The following RALYL variants were observed in gnomAD, a reference collection of about 807,000 sequenced individuals.
RALYL encodes RNA-binding Raly-like protein.
Under a neutral mutation model 35.1 loss-of-function variants are expected in RALYL, and 29 were observed. That is an observed-to-expected ratio of 0.83 (90% CI 0.61 to 1.13). The LOEUF (loss-of-function observed/expected upper bound fraction) is 1.13. RALYL is among the 50% of genes most tolerant of loss of function. RALYL has a pLI of 0.00. For synonymous variants in RALYL, 120 were observed against 127.6 expected (o/e 0.94, Z 0.40); for missense variants, 359 against 360.4 (o/e 1.00, Z 0.03).
intron 1 of RALYL, among the ~76,000 whole-genome samples, chr8:84,448,546 T>C (rs905149728): frequency 4.6e-5 from 7 of 152,196 alleles, no homozygotes; most frequent in Non-Finnish European, 7.4e-5. Flanking sequence ...ATTCACTTGA[T>C]AGAATTGTTG....
intron 2 of RALYL, among the ~76,000 whole-genome samples, chr8:84,557,651 C>T (rs1306139375): frequency 6.6e-6 from 1 of 152,078 alleles, no homozygotes; most frequent in Non-Finnish European, 1.5e-5. Flanking sequence ...GTGTCTATCA[C>T]ACAAAGTGTG....
intron 1 of RALYL, among the ~76,000 whole-genome samples, chr8:84,416,721 C>A (rs1011976484): frequency 1.3e-5 from 2 of 152,084 alleles, no homozygotes; most frequent in African/African-American, 4.8e-5. Context: ...AACAACAGGT[C>A]CAGCCCTCTT....
intron 4 of RALYL, among the ~76,000 whole-genome samples, chr8:84,839,817 T>C (rs1832820536): frequency 6.6e-6 from 1 of 152,180 alleles, no homozygotes; most frequent in Non-Finnish European, 1.5e-5. Context: ...CACCAATATC[T>C]GCTGTTCTGC....
At chr8:84,394,092 G>A (rs1157503165) in intron 1 of RALYL, among the ~76,000 whole-genome samples, 1 of 151,802 alleles carries the variant, frequency 6.6e-6, no homozygotes, top group Non-Finnish European at 1.5e-5. Context: ...CTCCCTACTT[G>A]TGCACACTCC....
intron 2 of RALYL, among the ~76,000 whole-genome samples, chr8:84,741,819 A>G (rs1807408694): frequency 6.6e-6 from 1 of 152,060 alleles, no homozygotes; most frequent in South Asian, 2.1e-4. Flanking sequence ...TACTTACTTT[A>G]ACAAAATTTA....
At chr8:84,566,078 T>C (rs1010364991) in intron 2 of RALYL, among the ~76,000 whole-genome samples, 3 of 151,514 alleles carry the variant, frequency 2.0e-5, no homozygotes, top group Non-Finnish European at 4.4e-5. Context: ...ATGGAAGTAT[T>C]ATGGTGTGTA....
At chr8:84,601,201 T>C (rs1321747938) in intron 2 of RALYL, among the ~76,000 whole-genome samples, 3 of 152,130 alleles carry the variant, frequency 2.0e-5, no homozygotes, top group Non-Finnish European at 4.4e-5. Context: ...GTGTTATGTA[T>C]GACCTACATT....
At chr8:84,249,488 C>CT (rs1415393737) in intron 1 of RALYL, among the ~76,000 whole-genome samples, 3 of 152,076 alleles carry the variant, frequency 2.0e-5, no homozygotes, top group Non-Finnish European at 2.9e-5. Context: ...AAATTTGTAA[C>CT]TTTATCAAAC....
intron 2 of RALYL, among the ~76,000 whole-genome samples, chr8:84,608,138 C>A (rs546894759): frequency 6.6e-6 from 1 of 152,032 alleles, no homozygotes; most frequent in Non-Finnish European, 1.5e-5. Context: ...TCAGGCCCCC[C>A]GAATTTCCTG....
At chr8:84,587,556 G>A (rs1055863884) in intron 2 of RALYL, among the ~76,000 whole-genome samples, 1 of 152,134 alleles carries the variant, frequency 6.6e-6, no homozygotes, top group African/African-American at 2.4e-5. Flanking sequence ...CCCCAGATAA[G>A]AGTTATTCTA....
chr8:84,900,680 A>T (rs568821611), intron 8 of RALYL, among the ~76,000 whole-genome samples: 3 of 142,486 alleles, frequency 2.1e-5, no homozygotes, highest in Admixed American at 2.1e-4. Context: ...AGTTTGTCTT[A>T]AAAAAAAAAA....
chr8:84,380,945 G>C (rs1857870770), intron 1 of RALYL, among the ~76,000 whole-genome samples: 1 of 151,836 alleles, frequency 6.6e-6, no homozygotes, highest in African/African-American at 2.4e-5. Context: ...AGCTCAGACA[G>C]AAGCTGGGTG....
chr8:84,416,544 G>A (rs1194674795), intron 1 of RALYL, among the ~76,000 whole-genome samples: 1 of 152,130 alleles, frequency 6.6e-6, no homozygotes, highest in Non-Finnish European at 1.5e-5. Context: ...ACTGGAAAGT[G>A]ACATTTTTAC....
At chr8:84,357,757 G>GTA (rs1586573401) in intron 1 of RALYL, among the ~76,000 whole-genome samples, 1 of 145,290 alleles carries the variant, frequency 6.9e-6, no homozygotes, top group Non-Finnish European at 1.5e-5. Context: ...TTAGCTTGTC[G>GTA]TATATATATA....
At chr8:84,886,600 A>T (rs1842947737) in intron 7 of RALYL, among the ~76,000 whole-genome samples, 1 of 152,194 alleles carries the variant, frequency 6.6e-6, no homozygotes, top group Non-Finnish European at 1.5e-5. Flanking sequence ...GGAATAAGTT[A>T]GAGAAGGAGG....
intron 3 of RALYL, among the ~76,000 whole-genome samples, chr8:84,791,469 A>G (rs1216804105): frequency 6.6e-6 from 1 of 152,192 alleles, no homozygotes; most frequent in Admixed American, 6.5e-5. Flanking sequence ...TTTGGGTTTC[A>G]CTCTGAGTAA....
chr8:84,505,777 A>G (rs1441875803), intron 1 of RALYL, among the ~76,000 whole-genome samples: 1 of 152,152 alleles, frequency 6.6e-6, no homozygotes, highest in Non-Finnish European at 1.5e-5. Context: ...ATAGCATGCT[A>G]GAAGTTAGAA....
At chr8:84,400,737 T>C (rs566297154) in intron 1 of RALYL, among the ~76,000 whole-genome samples, 1 of 152,322 alleles carries the variant, frequency 6.6e-6, no homozygotes, top group East Asian at 1.9e-4. Flanking sequence ...AAGAGATGTT[T>C]AAATCCTCTA....
At chr8:84,234,259 C>G (rs775113182) in intron 1 of RALYL, among the ~76,000 whole-genome samples, 1 of 152,010 alleles carries the variant, frequency 6.6e-6, no homozygotes, top group South Asian at 2.1e-4. Flanking sequence ...GCAGATTGGC[C>G]CATTTGTTCA....
Sources: allele counts gnomAD v4.1 joint callset (sites outside exome capture counted in the v4.1 genomes callset), GRCh38; gene constraint gnomAD v4.1.1; transcripts MANE v1.5; gene names NCBI Gene and HGNC (gene_info 2026-07-23, HGNC 2026-07-21).